Variants in COL6A2 observed in about 807,000 individuals in gnomAD.
COL6A2 encodes the protein collagen alpha-2(VI) chain.
COL6A2 carries 90 observed loss-of-function variants against 124.9 expected under a neutral mutation model. The observed-to-expected ratio is 0.72, with a 90% CI of 0.61 to 0.86. The LOEUF (loss-of-function observed/expected upper bound fraction) is 0.86. COL6A2 is among the 40% of genes least tolerant of loss of function. The probability of loss-of-function intolerance (pLI) is 0.00; values close to 1 mark genes in which losing one functional copy is unlikely to be tolerated. For synonymous variants in COL6A2, 793 were observed against 618.2 expected, an observed-to-expected ratio of 1.28 and a Z score of -4.19; for missense variants, 1,607 against 1,502.5, an observed-to-expected ratio of 1.07 and a Z score of -1.15.
rs200098676 is a variant in COL6A2, at chr21:46,129,183, C to G, written c.2461+2642C>G. On this transcript the variant is annotated intron_variant, in intron 27 of 27. Transcript: ENST00000300527. The stretch of plus-strand genomic sequence containing the variant: ...CGCAGGCCTTACAGTCTTCTCTGGA[C>G]GCTCCCTTGCAGATGCACCGTGGCC... The G allele has an allele frequency of 1.1e-4, 178 of 1,612,700 alleles. No homozygotes were observed. Among genetic ancestry groups the G allele is most frequent in the Middle Eastern group, 1.6e-4 (1 of 6,072 alleles).
In COL6A2 at chr21:46,112,843, C is replaced by T; in HGVS notation, c.735+19C>T. 3.1e-6 allele frequency: 5 copies of T among 1,613,532 alleles called. No individual in the cohort carries two copies. Among genetic ancestry groups the T allele is most frequent in the Non-Finnish European group, 4.2e-6 (5 of 1,180,026 alleles). The stretch of plus-strand genomic sequence containing the variant: ...CGGAGAGGTGAGTGGCGCTTCCCTT[C>T]CTGCCAGTGCTGGCCGGCAGCTGAC... On this transcript the variant is annotated intron_variant, in intron 4 of 27. Coordinates refer to ENST00000300527, the MANE Select transcript of COL6A2 (RefSeq NM_001849.4).
intron 1 of COL6A2, among the ~76,000 whole-genome samples, chr21:46,103,860 G>A (rs1601204604): frequency 6.6e-6 from 1 of 152,164 alleles, no homozygotes; most frequent in African/African-American, 2.4e-5. Context: ...ACTTCCAGGA[G>A]ATTTAAAGGG....
rs572085979 is a variant in COL6A2, at chr21:46,125,883, G to A, written c.2068G>A (p.Ala690Thr). 5.0e-6 allele frequency: 8 copies of A among 1,613,154 alleles called. No homozygotes were observed. Among genetic ancestry groups the A allele is most frequent in the East Asian group, 2.2e-5 (1 of 44,852 alleles). Residue 690 changes from alanine (A) to threonine (T), a missense_variant, in exon 26 of 28, where the codon GCT becomes ACT. Ala to Thr is a moderately conservative substitution (Grantham distance 58). Around this residue, in one of 3 missense-constraint regions of COL6A2, gnomAD observed 1,223 missense variants for 1,052.2 expected, o/e 1.16. Coordinates refer to ENST00000300527, the MANE Select transcript of COL6A2 (RefSeq NM_001849.4). ...RIDSLSSFKEAVKNLEWIAGG... is the reference protein window; with the variant it reads ...RIDSLSSFKETVKNLEWIAGG... ...CGACTCCCTGTCGAGCTTCAAGGAGGCTGTCAAGAACCTCGAGTGGATTGC... is the reference window on the plus strand; with the variant it reads ...CGACTCCCTGTCGAGCTTCAAGGAGACTGTCAAGAACCTCGAGTGGATTGC...
intron 21 of COL6A2, among the ~76,000 whole-genome samples, chr21:46,123,787 TATGTATGGATGGGTTAGTGGGTGGGTGG>T (rs2078607913): frequency 7.8e-6 from 1 of 128,014 alleles, no homozygotes; most frequent in Non-Finnish European, 1.6e-5. Context: ...TGAGTGGGTG[TATGTATGGATGGGTTAGTGGGTGGGTGG>T]ATGAATGGAT....
Position 46,116,353 on chromosome 21 carries a change from G to GC in COL6A2, c.901-20dup. ...TGTCTCTGCAGAGCTCCTCACTAAT[G>GC]CCCCTCTCTCCTCCTGCCCCCAGGG... On this transcript the variant is annotated intron_variant, in intron 7 of 27. Transcript: ENST00000300527. The surrounding 1 kb of genome is among the most constrained non-coding windows in gnomAD (Gnocchi z 4.6). The GC allele has an allele frequency of 6.2e-7, 1 of 1,612,496 alleles. No individual in the cohort carries two copies.
At chr21:46,100,887 C>T (rs1468015306) in intron 1 of COL6A2, among the ~76,000 whole-genome samples, 4 of 152,204 alleles carry the variant, frequency 2.6e-5, no homozygotes, top group African/African-American at 4.8e-5. Flanking sequence ...TCTTGGAGAT[C>T]CCACTTTCAC....
intron 4 of COL6A2, chr21:46,113,071 G>A (rs968316904): frequency 5.2e-5 from 31 of 600,506 alleles, no homozygotes; most frequent in African/African-American, 2.8e-4. Flanking sequence ...AGGAGAGGTC[G>A]AGGGTCTGGC....
intron 21 of COL6A2, among the ~76,000 whole-genome samples, chr21:46,123,493 GGATGGATAAC>G (rs979715626): frequency 1.7e-4 from 26 of 152,274 alleles, no homozygotes; most frequent in African/African-American, 5.5e-4. Flanking sequence ...ACAAAACAAG[GGATGGATAAC>G]GATGGATGGA....
chr21:46,113,036 G>A (rs1009585948), intron 4 of COL6A2: 3 of 643,530 alleles, frequency 4.7e-6, no homozygotes, highest in East Asian at 2.7e-5. Flanking sequence ...TCAGCGTTAG[G>A]GTCACCCACA....
chr21:46,120,125 C>CCCCACTGAGGTACCGCTCACCCCCCGG (rs1555874061), intron 15 of COL6A2, among the ~76,000 whole-genome samples: 4 of 81,370 alleles, frequency 4.9e-5, no homozygotes, highest in African/African-American at 1.2e-4. Flanking sequence ...ACCCCCCGGC[C>CCCCACTGAGGTACCGCTCACCCCCCGG]CCCACTGAGG....
intron 27 of COL6A2, chr21:46,129,894 G>A (rs1205832241): frequency 1.0e-6 from 1 of 992,436 alleles, no homozygotes; most frequent in Non-Finnish European, 1.2e-6. Flanking sequence ...TTACTTAGCG[G>A]CCCAGCTGGG....
Position 46,128,939 on chromosome 21 carries a change from C to T in COL6A2, c.2461+2398C>T, listed in dbSNP as rs115833459. Reference sequence around the variant, plus strand: ...GCTGTTTTGTGCTGAAAGGTTTTCTCGGGGTCCGTGGTGTCCCCCAAAGGT... The same window carrying T: ...GCTGTTTTGTGCTGAAAGGTTTTCTTGGGGTCCGTGGTGTCCCCCAAAGGT... On this transcript the variant is annotated intron_variant, in intron 27 of 27. Coordinates refer to ENST00000300527, the MANE Select transcript of COL6A2 (RefSeq NM_001849.4). 3.3e-4 allele frequency: 536 copies of T among 1,611,914 alleles called. 3 individuals are homozygous for T. The African/African-American group carries it at 5.1e-3, about 15-fold the overall frequency.
At chr21:46,108,807 G>A (rs2123605506) in intron 1 of COL6A2, among the ~76,000 whole-genome samples, 1 of 152,260 alleles carries the variant, frequency 6.6e-6, no homozygotes, top group East Asian at 1.9e-4. Context: ...TAATGTTATG[G>A]GATTTTTAGG....
At chr21:46,099,954 G>C (rs1742659495) in intron 1 of COL6A2, among the ~76,000 whole-genome samples, 1 of 128,726 alleles carries the variant, frequency 7.8e-6, no homozygotes, top group African/African-American at 3.1e-5. Flanking sequence ...TGGGGGGTTT[G>C]TTCTGCATGT....
intron 10 of COL6A2, among the ~76,000 whole-genome samples, chr21:46,117,080 C>T (rs1004919789): frequency 6.6e-6 from 1 of 152,228 alleles, no homozygotes; most frequent in Non-Finnish European, 1.5e-5. Context: ...AGCAACAAGC[C>T]TACCCACTCC....
rs541785316 is a variant in COL6A2 at position 46,125,275 on chromosome 21, G to A, written c.1780G>A (p.Val594Ile). The A allele has an allele frequency of 5.4e-5, 87 of 1,612,194 alleles. No homozygotes were observed. The highest frequency in any genetic ancestry group is 2.3e-4 in the South Asian group (21 of 90,912). ...PGDPGLTECDVMTYVRETCGC... is the reference protein window; with the variant it reads ...PGDPGLTECDIMTYVRETCGC... The stretch of plus-strand genomic sequence containing the variant: ...GCCGTGTGCATTGCAGGAGTGTGAC[G>A]TCATGACCTACGTGAGGGAGACCTG... The change falls in exon 24 of 28, where the codon GTC becomes ATC. Residue 594 changes from valine to isoleucine, a missense_variant. By Grantham distance (29) the Val-to-Ile change is conservative (BLOSUM62 3). Coordinates refer to ENST00000300527, the MANE Select transcript of COL6A2 (RefSeq NM_001849.4).
At chr21:46,106,148 T>G (rs1269520305) in intron 1 of COL6A2, among the ~76,000 whole-genome samples, 1 of 152,218 alleles carries the variant, frequency 6.6e-6, no homozygotes, top group Non-Finnish European at 1.5e-5. Flanking sequence ...AAGGACATCA[T>G]ATATTAATAA....
At chr21:46,101,847 A>ATTTT (rs56083556) in intron 1 of COL6A2, among the ~76,000 whole-genome samples, 1 of 71,506 alleles carries the variant, frequency 1.4e-5, no homozygotes, top group African/African-American at 6.4e-5. Flanking sequence ...ATCTTTCACG[A>ATTTT]TTTTTTTTTT....
At chr21:46,106,393 G>A (rs1346925318) in intron 1 of COL6A2, among the ~76,000 whole-genome samples, 1 of 152,158 alleles carries the variant, frequency 6.6e-6, no homozygotes, top group Non-Finnish European at 1.5e-5. Context: ...AGTGCCCTGG[G>A]CAAGTTACCT....
Sources: gnomAD v4.1 joint callset for allele counts (sites outside exome capture counted in the v4.1 genomes callset) on GRCh38, gnomAD v4.1.1 for gene constraint, gnomAD v4.1.1 regional missense constraint, Gnocchi (gnomAD v3.1) non-coding constraint, MANE v1.5 for transcripts, NCBI Gene and HGNC (gene_info 2026-07-23, HGNC 2026-07-21) for gene names.